Variants in LRIT3 observed in about 807,000 individuals in gnomAD.
LRIT3 encodes the protein leucine rich repeat, Ig-like and transmembrane domains 3.
Under a neutral mutation model 22.6 loss-of-function variants are expected in LRIT3, and 14 were observed. That is an observed-to-expected ratio of 0.62 (90% CI 0.41 to 0.97). The LOEUF is 0.97. Among genes scored for constraint, LRIT3 ranks in the 50% least tolerant of loss-of-function variants. LRIT3 has a pLI of 0.00. For missense variants in LRIT3, 783 were observed against 803.0 expected (o/e 0.98, Z 0.30); for synonymous variants, 306 against 304.5 (o/e 1.01, Z -0.05).
In LRIT3 at chr4:109,867,840, C is replaced by G; in HGVS notation, c.789C>G (p.Ile263Met). Reference protein sequence around the residue: ...KPSVMTSATKIMSALGSNVLL... With the variant: ...KPSVMTSATKMMSALGSNVLL... ...CAGTGATGACCTCAGCCACCAAAATCATGTCTGCTCTGGGCAGTAATGTTC... is the reference window on the plus strand; with the variant it reads ...CAGTGATGACCTCAGCCACCAAAATGATGTCTGCTCTGGGCAGTAATGTTC... The change falls in exon 3 of 4, where the codon ATC (isoleucine) becomes ATG (methionine). Residue 263 changes from isoleucine (I) to methionine (M), a missense_variant. Ile to Met is a conservative substitution (Grantham distance 10, BLOSUM62 1). Transcript: ENST00000594814. The G allele has an allele frequency of 1.2e-6, 2 of 1,614,184 alleles. No individual in the cohort carries two copies. Among genetic ancestry groups the G allele is most frequent in the African/African-American group, 2.7e-5 (2 of 75,046 alleles).
intron 2 of LRIT3, among the ~76,000 whole-genome samples, chr4:109,860,796 A>G (rs1734517582): frequency 6.6e-6 from 1 of 152,230 alleles, no homozygotes. Flanking sequence ...ATCATATAAG[A>G]TGAACCTTTG....
At position 109,850,415 on chromosome 4, in the gene LRIT3, CTTCCTTCCTTTCTTTCTTTCTTTCTTTCT is replaced by C. The variant is rs1734201424; in HGVS notation, c.117-1085_117-1057del. On this transcript the variant is annotated intron_variant, in intron 1 of 3. Transcript: ENST00000594814. ...CCTTCCTTCCTTCCTTCCTTCCTTC[CTTCCTTCCTTTCTTTCTTTCTTTCTTTCT>C]TTCTTTCTTTCTTTCTTTCTTTCTT... is the stretch of plus-strand genomic sequence containing the variant. Among the ~76,000 whole-genome samples, 81 of 17,708 alleles carry C rather than the reference CTTCCTTCCTTTCTTTCTTTCTTTCTTTCT, an allele frequency of 4.6e-3. 3 individuals carry two copies. Among genetic ancestry groups the C allele is most frequent in the African/African-American group, 0.015 (75 of 4,924 alleles). 11.6% of individuals were successfully genotyped at this position (17,708 alleles called of 152,430 possible). A position where few individuals can be genotyped will look rare whatever the true frequency, so the allele number is the denominator to read the frequency against.
chr4:109,868,802 C>G (rs1473397681), intron 3 of LRIT3, among the ~76,000 whole-genome samples: 2 of 151,956 alleles, frequency 1.3e-5, no homozygotes, highest in Non-Finnish European at 2.9e-5. Flanking sequence ...AACTAAAATT[C>G]AGGTTGAAAT....
At chr4:109,863,005 T>G (rs1378702997) in intron 2 of LRIT3, among the ~76,000 whole-genome samples, 1 of 152,148 alleles carries the variant, frequency 6.6e-6, no homozygotes, top group Admixed American at 6.6e-5. Context: ...TTTTTTTATT[T>G]GTAAATAATA....
rs1433676595 is a variant in LRIT3 at position 109,867,663 on chromosome 4, C to T, written c.612C>T (p.Phe204=). 3.1e-6 allele frequency: 5 copies of T among 1,613,870 alleles called. No individual in the cohort carries two copies. The highest frequency in any genetic ancestry group is 4.2e-6 in the Non-Finnish European group (5 of 1,179,918). The stretch of plus-strand genomic sequence containing the variant: ...TAGGTCTACAGGACAATCCTTGGTT[C>T]TGTGACTGTCATATTTCCAAAATGA... ...IILGLQDNPW[F]CDCHISKMIE... Residue 204 remains phenylalanine (F), a synonymous_variant, in exon 3 of 4, where the codon TTC becomes TTT. Transcript: ENST00000594814.
intron 3 of LRIT3, 92 bp downstream of exon 3, chr4:109,868,038 C>T: frequency 7.7e-7 from 1 of 1,292,196 alleles, no homozygotes; most frequent in Non-Finnish European, 1.1e-6. Flanking sequence ...AGCTAGTTAA[C>T]ACTAATAAAA....
At chr4:109,860,170 G>C (rs1378294720) in intron 2 of LRIT3, among the ~76,000 whole-genome samples, 1 of 152,132 alleles carries the variant, frequency 6.6e-6, no homozygotes, top group African/African-American at 2.4e-5. Context: ...GACACTGTTT[G>C]TCTCAGAGAA....
Position 109,869,837 on chromosome 4 carries a change from A to G in LRIT3, c.1088A>G (p.Asp363Gly), listed in dbSNP as rs1454602708. The G allele has an allele frequency of 9.3e-6, 15 of 1,614,080 alleles. No homozygotes were observed. The highest frequency in any genetic ancestry group is 1.7e-5 in the Admixed American group (1 of 60,022). The change falls in exon 4 of 4, where the codon GAT becomes GGT. Residue 363 changes from aspartate to glycine, a missense_variant. Physicochemically the swap from Asp to Gly is moderately conservative, Grantham distance 94. Transcript: ENST00000594814. ...IPPDTSERTG[D>G]HPEWDVQPGS... Reference sequence around the variant, plus strand: ...CCAGACACTTCTGAAAGAACTGGAGATCATCCTGAGTGGGATGTCCAGCCG... The same window carrying G: ...CCAGACACTTCTGAAAGAACTGGAGGTCATCCTGAGTGGGATGTCCAGCCG...
intron 2 of LRIT3, among the ~76,000 whole-genome samples, chr4:109,857,612 A>G (rs1419706493): frequency 6.6e-6 from 1 of 152,208 alleles, no homozygotes; most frequent in Non-Finnish European, 1.5e-5. Flanking sequence ...TTTAAAGGAA[A>G]AAAGGAGTTA....
rs1464301038 is a variant in LRIT3, at chr4:109,862,155, T to C, written c.590-5486T>C. Among the ~76,000 whole-genome samples the C allele has an allele frequency of 3.9e-5, 6 of 152,314 alleles. No individual in the cohort carries two copies. In the East Asian group the frequency reaches 9.7e-4, roughly 25 times the overall value. On this transcript the variant is annotated intron_variant, in intron 2 of 3. Coordinates refer to ENST00000594814, the MANE Select transcript of LRIT3 (RefSeq NM_198506.5). ...GGCTTATAGTCCTCAGAATAACTTT[T>C]GTACAAAAATTTATTGCTCACTTTT...
chr4:109,867,820 A>T lies in LRIT3; in HGVS notation c.769A>T (p.Met257Leu). 1 of 1,614,184 alleles carries T rather than the reference A, an allele frequency of 6.2e-7. No homozygotes were observed. The change falls in exon 3 of 4, where the codon ATG becomes TTG. Residue 257 changes from methionine (M) to leucine (L), a missense_variant. Around this residue, in one of 2 missense-constraint regions of LRIT3, gnomAD observed 756 missense variants for 753.8 expected, o/e 1.00. Coordinates refer to ENST00000594814, the MANE Select transcript of LRIT3 (RefSeq NM_198506.5). ...ELEHCLKPSVMTSATKIMSAL... is the reference protein window; with the variant it reads ...ELEHCLKPSVLTSATKIMSAL... ...GGAGCATTGTCTGAAACCATCAGTG[A>T]TGACCTCAGCCACCAAAATCATGTC...
intron 2 of LRIT3, among the ~76,000 whole-genome samples, chr4:109,856,058 A>G (rs1734393503): frequency 6.6e-6 from 1 of 152,142 alleles, no homozygotes; most frequent in South Asian, 2.1e-4. Context: ...AATTATGAAC[A>G]TCTGCTTTTC....
intron 2 of LRIT3, among the ~76,000 whole-genome samples, chr4:109,862,654 C>G (rs929379320): frequency 6.6e-6 from 1 of 152,080 alleles, no homozygotes; most frequent in Non-Finnish European, 1.5e-5. Context: ...TTAAATCTTT[C>G]CCTGTGTAAA....
At position 109,855,926 on chromosome 4, in the gene LRIT3, A is replaced by G. The variant is rs139748777; in HGVS notation, c.589+3950A>G. Among the ~76,000 whole-genome samples the G allele has an allele frequency of 4.2e-3, 638 of 152,124 alleles. 7 individuals carry two copies. Among genetic ancestry groups the G allele is most frequent in the African/African-American group, 0.015 (605 of 41,538 alleles). On this transcript the variant is annotated intron_variant, in intron 2 of 3. Transcript: ENST00000594814. ...GAGACAGTTTGTATGCCTTCACCCT[A>G]AAGAGGCCTAGAAGAGCTGTGGCAA... is the stretch of plus-strand genomic sequence containing the variant.
chr4:109,858,070 T>C (rs1267274502), intron 2 of LRIT3, among the ~76,000 whole-genome samples: 1 of 152,126 alleles, frequency 6.6e-6, no homozygotes, highest in Non-Finnish European at 1.5e-5. Flanking sequence ...TAAAGTGATA[T>C]TGAAAGGGGT....
Position 109,870,777 on chromosome 4 carries a change from G to T in LRIT3, c.2028G>T (p.Glu676Asp), listed in dbSNP as rs1384054253. 2.5e-6 allele frequency: 4 copies of T among 1,596,632 alleles called. No individual in the cohort carries two copies. In the Admixed American group the frequency reaches 6.9e-5, roughly 27 times the overall value. ...TTAAAAGTGAAGGTTCCAGACCAGA[G>T]TATTATTGCTAAGGTTCTGCAGCTC... ...VTFKSEGSRP[E>D]YYC Residue 676 changes from glutamate to aspartate, a missense_variant, in exon 4 of 4, where the codon GAG (glutamate) becomes GAT (aspartate). Glu to Asp is a conservative substitution (Grantham distance 45, BLOSUM62 2). Transcript: ENST00000594814.
chr4:109,865,158 A>G (rs1354662965), intron 2 of LRIT3: 13 of 1,464,270 alleles, frequency 8.9e-6, no homozygotes, highest in Non-Finnish European at 1.2e-5. Context: ...TCTAGCATTT[A>G]TCTAGTCAAC....
intron 1 of LRIT3, among the ~76,000 whole-genome samples, chr4:109,850,406 CCTTCCTTCCTTCCTTCCTT>C (rs1185419326): frequency 0.018 from 26 of 1,472 alleles, no homozygotes; most frequent in African/African-American, 0.023. Context: ...TTCCTTCCTT[CCTTCCTTCCTTCCTTCCTT>C]TCTTTCTTTC....
At chr4:109,861,247 A>G (rs1303914347) in intron 2 of LRIT3, among the ~76,000 whole-genome samples, 1 of 151,844 alleles carries the variant, frequency 6.6e-6, no homozygotes. Flanking sequence ...GTGCATGCCT[A>G]TAGTCCCAGC....
Sources: allele counts gnomAD v4.1 joint callset (sites outside exome capture counted in the v4.1 genomes callset), GRCh38; gene constraint gnomAD v4.1.1; regional missense constraint gnomAD v4.1.1; transcripts MANE v1.5; gene names NCBI Gene and HGNC (gene_info 2026-07-23, HGNC 2026-07-21).